FAM13B: variants seen among roughly 807,000 people sequenced by gnomAD.
The protein encoded by FAM13B is protein FAM13B.
In FAM13B, 60 loss-of-function variants were observed where a neutral mutation model predicts 117.3. That is an observed-to-expected ratio of 0.51 (90% confidence interval 0.42 to 0.63). FAM13B has a LOEUF of 0.63. Ranked by LOEUF, FAM13B falls within the 30% of genes least tolerant of loss-of-function variation. The pLI is 0.00. For synonymous variants in FAM13B, 332 were observed against 356.1 expected (o/e 0.93, Z 0.76); for missense variants, 972 against 1,091.9 (o/e 0.89, Z 1.55).
At position 137,966,211 on chromosome 5, in the gene FAM13B, C is replaced by T. The variant is rs1003025751; in HGVS notation, c.1180-3742G>A. ...CAGCACTTTGGGAGGCTGAGGTGGG[C>T]GGATCACCTGAGGTCAGGCGTTCAA... On this transcript the variant is annotated intron_variant, in intron 10 of 23. Coordinates refer to ENST00000689681, the MANE Select transcript of FAM13B (RefSeq NM_001385994.1). 1.5e-4 allele frequency among the ~76,000 whole-genome samples: 22 copies of T among 150,872 alleles called. No individual in the cohort carries two copies. The East Asian group carries it at 1.9e-3, about 13-fold the overall frequency.
rs1472044772 is a variant in FAM13B, at chr5:138,042,389, G to A, written c.-203+9489C>T. ...CAATAATAAGGAGGGGTCATGAGAA[G>A]ATATTCCATTTCTTAACCTAGGGGG... On this transcript the variant is annotated intron_variant, in intron 1 of 3. Coordinates refer to the FAM13B transcript ENST00000502471. Among the ~76,000 whole-genome samples the A allele has an allele frequency of 2.0e-5, 3 of 152,096 alleles. No individual in the cohort carries two copies. The East Asian group carries it at 5.8e-4, about 29-fold the overall frequency.
At chr5:137,999,118 G>T (rs58914447) in intron 7 of FAM13B, among the ~76,000 whole-genome samples, 17,061 of 124,556 alleles carry the variant, frequency 0.14, 1,525 homozygotes, top group East Asian at 0.38. Context: ...TTTTTTTTTT[G>T]TCTTTTTTTT....
intron 1 of FAM13B, among the ~76,000 whole-genome samples, chr5:138,030,099 TG>T (rs1222504604): frequency 1.3e-5 from 2 of 152,204 alleles, no homozygotes; most frequent in Non-Finnish European, 2.9e-5. Flanking sequence ...TTCACTGACC[TG>T]GAACACTCTC....
At chr5:138,012,683 A>T (rs1460208941) in intron 4 of FAM13B, among the ~76,000 whole-genome samples, 4 of 152,224 alleles carry the variant, frequency 2.6e-5, no homozygotes. Context: ...ATTTGGGAGA[A>T]ATAAGTGCTC....
intron 1 of FAM13B, among the ~76,000 whole-genome samples, chr5:138,021,600 A>C (rs1428573346): frequency 6.6e-6 from 1 of 152,218 alleles, no homozygotes; most frequent in African/African-American, 2.4e-5. Flanking sequence ...GATATGATTT[A>C]AGCTTGCTAC....
At chr5:138,027,434 T>TTTA (rs1788719064) in intron 1 of FAM13B, among the ~76,000 whole-genome samples, 1 of 152,174 alleles carries the variant, frequency 6.6e-6, no homozygotes, top group Non-Finnish European at 1.5e-5. Context: ...AAACCAAAAC[T>TTTA]AAAAGAAAAT....
chr5:138,006,722 T>C (rs536104277), intron 7 of FAM13B, among the ~76,000 whole-genome samples: 1 of 152,354 alleles, frequency 6.6e-6, no homozygotes, highest in East Asian at 1.9e-4. Flanking sequence ...GGTTCTGAAA[T>C]TTTATCCAGC....
intron 7 of FAM13B, among the ~76,000 whole-genome samples, chr5:137,996,270 G>A (rs573176553): frequency 9.2e-4 from 140 of 152,174 alleles, no homozygotes; most frequent in Middle Eastern, 3.4e-3. Flanking sequence ...CGAACAGCTG[G>A]GACTACAGGC....
intron 10 of FAM13B, among the ~76,000 whole-genome samples, chr5:137,966,888 T>C (rs932399830): frequency 2.0e-5 from 3 of 152,146 alleles, no homozygotes; most frequent in Non-Finnish European, 4.4e-5. Flanking sequence ...GAAAAGGATA[T>C]ATTATACAAA....
intron 7 of FAM13B, among the ~76,000 whole-genome samples, chr5:137,996,357 T>G (rs1242799576): frequency 1.3e-5 from 2 of 152,074 alleles, no homozygotes; most frequent in East Asian, 3.9e-4. Flanking sequence ...GCCAGGATGG[T>G]CTCGATCTCC....
At chr5:138,045,945 CAA>C (rs567863456) in intron 1 of FAM13B, among the ~76,000 whole-genome samples, 1 of 141,810 alleles carries the variant, frequency 7.1e-6, no homozygotes, top group Non-Finnish European at 1.5e-5. Flanking sequence ...AATTCCATCT[CAA>C]AAAAAAAAAA....
At chr5:138,017,897 T>C (rs1310570114) in intron 4 of FAM13B, among the ~76,000 whole-genome samples, 1 of 152,218 alleles carries the variant, frequency 6.6e-6, no homozygotes, top group Non-Finnish European at 1.5e-5. Flanking sequence ...TGCTAGGAAA[T>C]TCTATCAAAC....
chr5:137,959,624 T>A lies in FAM13B; in HGVS notation c.1433A>T (p.Lys478Ile). 6.2e-7 allele frequency: 1 copy of A among 1,613,798 alleles called. No individual in the cohort carries two copies. The highest frequency in any genetic ancestry group is 8.5e-7 in the Non-Finnish European group (1 of 1,179,762). The change falls in exon 13 of 24, where the codon AAA becomes ATA. Residue 478 changes from lysine (K) to isoleucine (I), a missense_variant. By Grantham distance (102) the Lys-to-Ile change is moderately radical (BLOSUM62 -3). Transcript: ENST00000689681. Reference protein sequence around the residue: ...LDLKNVSDGDKWEASCPITFP... With the variant: ...LDLKNVSDGDIWEASCPITFP... ...CGTGTGGGTAAAATTACCTTCCCAT[T>A]TATCACCATCAGAAACATTCTTCAG...
chr5:138,041,063 CAAAA>C (rs5871662), intron 1 of FAM13B, among the ~76,000 whole-genome samples: 3 of 70,466 alleles, frequency 4.3e-5, no homozygotes, highest in Non-Finnish European at 5.7e-5. Flanking sequence ...GACTCCATCT[CAAAA>C]AAAAAAAAAA....
At chr5:138,034,995 C>CTTTTTTTTTTTTTTTTTTT (rs557807234), upstream of FAM13B, among the ~76,000 whole-genome samples, 166 of 34,380 alleles carry the variant, frequency 4.8e-3, 54 homozygotes, top group East Asian at 0.016. Flanking sequence ...ATTCCCTTGC[C>CTTTTTTTTTTTTTTTTTTT]TTTTTTTTTT....
At chr5:138,032,079 T>C (rs1489945029) in intron 1 of FAM13B, among the ~76,000 whole-genome samples, 2 of 152,154 alleles carry the variant, frequency 1.3e-5, no homozygotes, top group Non-Finnish European at 2.9e-5. Context: ...TAAAAGTCAG[T>C]TTGATTTTAA....
chr5:137,944,593 C>T (rs1050506259), intron 20 of FAM13B, among the ~76,000 whole-genome samples: 2 of 151,968 alleles, frequency 1.3e-5, no homozygotes, highest in Non-Finnish European at 2.9e-5. Flanking sequence ...TGGTGAAACC[C>T]TGTCTCTACT....
rs778064095 is a variant in FAM13B, at chr5:137,942,898, C to T, written c.2565G>A (p.Leu855=). Residue 855 remains leucine, a synonymous_variant, in exon 22 of 24, where the codon TTG becomes TTA. Coordinates refer to ENST00000689681, the MANE Select transcript of FAM13B (RefSeq NM_001385994.1). Reference sequence around the variant, plus strand: ...ACATAGAAGCTGCTCGAGAACTTGACAATCGGAGATCCAGAGCCAGTTTTT... The same window carrying T: ...ACATAGAAGCTGCTCGAGAACTTGATAATCGGAGATCCAGAGCCAGTTTTT... ...NQEKLALDLR[L]SSSRAASMPE... is the part of the protein sequence containing the mutation. 3 of 1,610,528 alleles carry T rather than the reference C, an allele frequency of 1.9e-6. No individual in the cohort carries two copies. The South Asian group carries it at 3.3e-5, about 18-fold the overall frequency.
At chr5:138,011,229 T>G in intron 5 of FAM13B, 80 bp from the exon 6 acceptor site, 1 of 1,339,828 alleles carries the variant, frequency 7.5e-7, no homozygotes, top group Non-Finnish European at 1.0e-6. Flanking sequence ...ATGAGATACT[T>G]TATGAACATG....
Sources: allele counts gnomAD v4.1 joint callset (sites outside exome capture counted in the v4.1 genomes callset), GRCh38; gene constraint gnomAD v4.1.1; transcripts MANE v1.5; gene names NCBI Gene and HGNC (gene_info 2026-07-23, HGNC 2026-07-21).